Variants in GPHN observed in about 807,000 individuals in gnomAD.
GPHN encodes gephyrin.
In GPHN, 17 loss-of-function variants were observed where a neutral mutation model predicts 95.5. The ratio of observed to expected loss-of-function variants is 0.18; its 90% CI spans 0.12 to 0.27. The LOEUF is 0.27. GPHN is among the 10% of genes least tolerant of loss of function. GPHN has a pLI of 1.00. For synonymous variants in GPHN, 320 were observed against 322.5 expected, an observed-to-expected ratio of 0.99 and a Z score of 0.08; for missense variants, 660 against 978.1, an observed-to-expected ratio of 0.67 and a Z score of 4.34.
chr14:66,582,892 A>G lies in GPHN; in HGVS notation c.64+74301A>G, dbSNP rs538670370. On this transcript the variant is annotated intron_variant, in intron 1 of 22. Coordinates refer to ENST00000478722, the MANE Select transcript of GPHN (RefSeq NM_020806.5). The stretch of plus-strand genomic sequence containing the variant: ...CAGCATGATTTATAATCCTTTGGGT[A>G]TATACCCAGTAACGGGATGGCTGGG... 4.6e-5 allele frequency among the ~76,000 whole-genome samples: 7 copies of G among 152,320 alleles called. No individual in the cohort carries two copies. In the South Asian group the frequency reaches 1.2e-3, roughly 27 times the overall value.
At chr14:66,720,713 A>G (rs2070661156) in intron 2 of GPHN, among the ~76,000 whole-genome samples, 1 of 152,182 alleles carries the variant, frequency 6.6e-6, no homozygotes, top group African/African-American at 2.4e-5. Context: ...TAAAAATATA[A>G]TCTAGGCCAG....
chr14:66,533,924 C>G (rs2059035243), intron 1 of GPHN, among the ~76,000 whole-genome samples: 2 of 152,254 alleles, frequency 1.3e-5, no homozygotes, highest in African/African-American at 4.8e-5. Flanking sequence ...ATTATCTATA[C>G]TAACACACTC....
intron 8 of GPHN, among the ~76,000 whole-genome samples, chr14:66,942,748 A>T (rs979002797): frequency 1.3e-5 from 2 of 152,212 alleles, no homozygotes; most frequent in Non-Finnish European, 2.9e-5. Flanking sequence ...AAATATGCCA[A>T]ATAATCCTGT....
At chr14:66,688,873 A>G (rs993996917) in intron 2 of GPHN, among the ~76,000 whole-genome samples, 3 of 132,006 alleles carry the variant, frequency 2.3e-5, no homozygotes, top group African/African-American at 8.5e-5. Context: ...ATGAGAACAC[A>G]TGGACGCAGG....
rs561528381 is a variant in GPHN at position 67,061,824 on chromosome 14, T to C, written c.1144+3038T>C. Among the ~76,000 whole-genome samples, 18 of 152,290 alleles carry C rather than the reference T, an allele frequency of 1.2e-4. No individual in the cohort carries two copies. The South Asian group carries it at 1.9e-3, about 16-fold the overall frequency. ...ACCATGCCTGGCCCCTTTGCTTATA[T>C]AGTTTTTGCTTGGAAAAACTTTATC... On this transcript the variant is annotated intron_variant, in intron 11 of 22. Transcript: ENST00000478722.
chr14:67,450,346 G>A, the GPHN span, among the ~76,000 whole-genome samples: 1 of 152,346 alleles, frequency 6.6e-6, no homozygotes, highest in African/African-American at 2.4e-5. Context: ...AAATGTGGAA[G>A]TGACTTTGGA....
the GPHN span, chr14:67,383,242 C>A: frequency 1.3e-6 from 2 of 1,499,020 alleles, no homozygotes; most frequent in Non-Finnish European, 1.8e-6. Context: ...AAACATTAGG[C>A]AGTAATAGTA....
chr14:67,393,281 A>G, the GPHN span: 1 of 1,428,104 alleles, frequency 7.0e-7, no homozygotes, highest in Non-Finnish European at 9.9e-7. Flanking sequence ...AACCCTCATC[A>G]CGCGGGCAGG....
the GPHN span, among the ~76,000 whole-genome samples, chr14:67,523,302 T>C: frequency 6.9e-6 from 1 of 145,942 alleles, no homozygotes; most frequent in African/African-American, 2.6e-5. Flanking sequence ...CCACCTGGGT[T>C]ACAGAGTAAG....
At chr14:66,679,455 T>A (rs1447750330) in intron 1 of GPHN, among the ~76,000 whole-genome samples, 2 of 152,218 alleles carry the variant, frequency 1.3e-5, no homozygotes, top group Non-Finnish European at 2.9e-5. Context: ...TTTGCCATAC[T>A]TCTTAAGTCA....
the GPHN span, among the ~76,000 whole-genome samples, chr14:67,699,589 C>CA: frequency 0.12 from 6,193 of 50,026 alleles, 491 homozygotes; most frequent in Non-Finnish European, 0.17. Flanking sequence ...GACCCTATCT[C>CA]AAAAAAAAAA....
chr14:67,377,799 C>T, the GPHN span, among the ~76,000 whole-genome samples: 3 of 152,094 alleles, frequency 2.0e-5, no homozygotes, highest in South Asian at 2.1e-4. Context: ...GCAAACACTG[C>T]GTCCTCTGCT....
chr14:67,359,762 C>A, the GPHN span: 1 of 1,588,490 alleles, frequency 6.3e-7, no homozygotes, highest in Middle Eastern at 1.7e-4. Flanking sequence ...AGCTCCAGAA[C>A]TGGCCTCCAC....
chr14:67,221,845 C>G, the GPHN span: 1 of 1,607,876 alleles, frequency 6.2e-7, no homozygotes, highest in Non-Finnish European at 8.5e-7. Flanking sequence ...TATTGTGATC[C>G]CTGGTATTCA....
At chr14:67,476,707 G>C in the GPHN span, among the ~76,000 whole-genome samples, 1 of 152,076 alleles carries the variant, frequency 6.6e-6, no homozygotes, top group Non-Finnish European at 1.5e-5. Context: ...CATATCCCAG[G>C]GCCAGTAAAT....
chr14:66,885,782 A>G (rs2064157128), intron 5 of GPHN, among the ~76,000 whole-genome samples: 1 of 151,980 alleles, frequency 6.6e-6, no homozygotes, highest in Admixed American at 6.6e-5. Flanking sequence ...AAAAAGAGAA[A>G]GGCCTTAAGT....
chr14:66,563,336 A>T (rs2060341642), intron 1 of GPHN, among the ~76,000 whole-genome samples: 1 of 152,134 alleles, frequency 6.6e-6, no homozygotes, highest in East Asian at 1.9e-4. Context: ...TGGTGGGTTT[A>T]CTATATATGT....
At chr14:67,074,804 C>A (rs1169954031) in intron 11 of GPHN, among the ~76,000 whole-genome samples, 1 of 152,098 alleles carries the variant, frequency 6.6e-6, no homozygotes, top group African/African-American at 2.4e-5. Flanking sequence ...CTTTTCAATT[C>A]TGTGAAGGTT....
intron 1 of GPHN, among the ~76,000 whole-genome samples, chr14:66,578,755 A>G (rs181842926): frequency 1.6e-4 from 24 of 151,392 alleles, no homozygotes; most frequent in Admixed American, 4.6e-4. Flanking sequence ...TGAAGGAGAG[A>G]TAAGGACTTT....
Sources: gnomAD v4.1 joint callset for allele counts (sites outside exome capture counted in the v4.1 genomes callset) on GRCh38, gnomAD v4.1.1 for gene constraint, MANE v1.5 for transcripts, NCBI Gene and HGNC (gene_info 2026-07-23, HGNC 2026-07-21) for gene names.